FOXP2: variants seen among roughly 807,000 people sequenced by gnomAD.
FOXP2 encodes the protein forkhead box protein P2.
FOXP2 carries 12 observed loss-of-function variants against 115.8 expected under a neutral mutation model. The observed-to-expected ratio is 0.10, with a 90% CI of 0.07 to 0.17. The LOEUF is 0.17. FOXP2 is among the 10% of genes least tolerant of loss of function. FOXP2 has a pLI of 1.00. For synonymous variants in FOXP2, 328 were observed against 297.7 expected (o/e 1.10, Z -1.05); for missense variants, 629 against 843.5 (o/e 0.75, Z 3.15).
At chr7:114,551,278 G>A (rs1279970479) in intron 3 of FOXP2, among the ~76,000 whole-genome samples, 1 of 152,052 alleles carries the variant, frequency 6.6e-6, no homozygotes, top group Non-Finnish European at 1.5e-5. Context: ...CAGACACCAG[G>A]TACCATAGGG....
intron 2 of FOXP2, among the ~76,000 whole-genome samples, chr7:114,357,148 A>G (rs1309881083): frequency 1.3e-5 from 2 of 152,170 alleles, no homozygotes; most frequent in African/African-American, 4.8e-5. Context: ...AAACCCTGAT[A>G]AAGGATTCTA....
At chr7:114,602,602 G>A (rs1395282108) in intron 3 of FOXP2, among the ~76,000 whole-genome samples, 1 of 151,924 alleles carries the variant, frequency 6.6e-6, no homozygotes, top group Non-Finnish European at 1.5e-5. Flanking sequence ...GTATTCCAGT[G>A]AAAAACCTAC....
At chr7:114,417,367 G>A (rs908386552) in intron 1 of FOXP2, among the ~76,000 whole-genome samples, 4 of 151,814 alleles carry the variant, frequency 2.6e-5, no homozygotes, top group Non-Finnish European at 5.9e-5. Context: ...TTTAAAAATT[G>A]TTTCTAGAAC....
intron 1 of FOXP2, among the ~76,000 whole-genome samples, chr7:114,267,894 C>T (rs1795935847): frequency 6.6e-6 from 1 of 151,758 alleles, no homozygotes; most frequent in Admixed American, 6.6e-5. Flanking sequence ...AACCATGTAT[C>T]TCCAGAAATT....
intron 2 of FOXP2, among the ~76,000 whole-genome samples, chr7:114,493,683 G>A (rs1385538426): frequency 6.6e-6 from 1 of 151,444 alleles, no homozygotes; most frequent in African/African-American, 2.4e-5. Flanking sequence ...CTCTCATTCT[G>A]TCTCTCTCAC....
At chr7:114,556,760 G>A (rs1800476636) in intron 3 of FOXP2, among the ~76,000 whole-genome samples, 1 of 152,098 alleles carries the variant, frequency 6.6e-6, no homozygotes, top group African/African-American at 2.4e-5. Flanking sequence ...ATGCTGATAA[G>A]CTTTCTGATT....
Position 114,690,522 on chromosome 7 carries a change from A to G in FOXP2, c.*596A>G. 2.2e-6 allele frequency: 1 copy of G among 454,090 alleles called. No individual in the cohort carries two copies. Among genetic ancestry groups the G allele is most frequent in the Non-Finnish European group, 4.4e-6 (1 of 226,766 alleles). The allele number at this position is 454,090 out of a possible 1,614,324, so 28.1% of individuals were successfully genotyped here. A position where few individuals can be genotyped will look rare whatever the true frequency, so the allele number is the denominator to read the frequency against. On this transcript the variant is annotated 3_prime_UTR_variant, in exon 17 of 17. Transcript: ENST00000350908. ...CCACCAACTGTAAATGACATAAGTT[A>G]GTTATTACAAAACACAGTAATTAGA...
intron 1 of FOXP2, among the ~76,000 whole-genome samples, chr7:114,158,000 CTT>C (rs1273010687): frequency 1.3e-5 from 2 of 151,910 alleles, no homozygotes; most frequent in East Asian, 3.9e-4. Context: ...AACAAAAAGA[CTT>C]GGGATAGAAC....
At chr7:114,261,329 C>A (rs1478603885) in intron 1 of FOXP2, among the ~76,000 whole-genome samples, 2 of 152,148 alleles carry the variant, frequency 1.3e-5, no homozygotes, top group African/African-American at 2.4e-5. Context: ...ACTTTCAAAT[C>A]TAAAATGTTT....
intron 1 of FOXP2, among the ~76,000 whole-genome samples, chr7:114,211,571 G>T (rs1563007169): frequency 6.6e-6 from 1 of 152,186 alleles, no homozygotes; most frequent in Non-Finnish European, 1.5e-5. Context: ...CACTTGCCCC[G>T]TTCACATTCC....
intron 2 of FOXP2, among the ~76,000 whole-genome samples, chr7:114,467,377 C>T (rs1003224522): frequency 2.0e-5 from 3 of 152,060 alleles, no homozygotes; most frequent in Non-Finnish European, 4.4e-5. Context: ...TTCCATTCCC[C>T]ACTTGCTCCT....
At chr7:114,480,379 G>T (rs915221721) in intron 2 of FOXP2, among the ~76,000 whole-genome samples, 8 of 151,362 alleles carry the variant, frequency 5.3e-5, no homozygotes, top group Admixed American at 2.0e-4. Flanking sequence ...GTCTAGAAAA[G>T]CAACAAGTCC....
intron 3 of FOXP2, among the ~76,000 whole-genome samples, chr7:114,608,682 G>A (rs915232611): frequency 2.6e-5 from 4 of 152,188 alleles, no homozygotes; most frequent in Admixed American, 2.6e-4. Flanking sequence ...CTTCACCTGA[G>A]TGAGCCACTC....
At chr7:114,627,152 T>C (rs1804634462) in intron 3 of FOXP2, among the ~76,000 whole-genome samples, 1 of 151,804 alleles carries the variant, frequency 6.6e-6, no homozygotes, top group Non-Finnish European at 1.5e-5. Flanking sequence ...CTTTTTTTTT[T>C]TTCTTCTGCT....
At chr7:114,095,859 C>T (rs1799637733) in intron 1 of FOXP2, among the ~76,000 whole-genome samples, 1 of 152,290 alleles carries the variant, frequency 6.6e-6, no homozygotes, top group South Asian at 2.1e-4. Context: ...CATTGTGCTA[C>T]ATTAGAAGGA....
chr7:114,567,492 A>G (rs1384699744), intron 3 of FOXP2, among the ~76,000 whole-genome samples: 3 of 152,156 alleles, frequency 2.0e-5, no homozygotes, highest in Non-Finnish European at 4.4e-5. Flanking sequence ...AAGAAAAATT[A>G]CAATGATTCA....
At chr7:114,417,018 GTTTAC>G (rs1316260560) in intron 1 of FOXP2, among the ~76,000 whole-genome samples, 1 of 151,686 alleles carries the variant, frequency 6.6e-6, no homozygotes, top group Non-Finnish European at 1.5e-5. Flanking sequence ...TAGATAATTT[GTTTAC>G]TTTATTATTC....
chr7:114,323,647 T>C (rs1797482681), intron 2 of FOXP2, among the ~76,000 whole-genome samples: 1 of 152,032 alleles, frequency 6.6e-6, no homozygotes, highest in South Asian at 2.1e-4. Context: ...GAAATAATTG[T>C]TTTCCTATAG....
At chr7:114,556,498 A>G (rs1215569882) in intron 3 of FOXP2, among the ~76,000 whole-genome samples, 1 of 152,212 alleles carries the variant, frequency 6.6e-6, no homozygotes, top group East Asian at 1.9e-4. Flanking sequence ...GCATACAGTA[A>G]AAGAGATGCT....
Sources: allele counts gnomAD v4.1 joint callset (sites outside exome capture counted in the v4.1 genomes callset), GRCh38; gene constraint gnomAD v4.1.1; transcripts MANE v1.5; gene names NCBI Gene and HGNC (gene_info 2026-07-23, HGNC 2026-07-21).